The following NPM1 variants were observed in gnomAD, a reference collection of about 807,000 sequenced individuals.
The protein encoded by NPM1 is nucleophosmin 1, also known as nucleophosmin.
In NPM1, 1 loss-of-function variant was observed where a neutral mutation model predicts 44.1. The ratio of observed to expected loss-of-function variants is 0.02; its 90% CI spans 0.01 to 0.11. NPM1 has a LOEUF of 0.11. Ranked by LOEUF, NPM1 falls within the 10% of genes least tolerant of loss-of-function variation. The pLI, the probability that NPM1 is intolerant of heterozygous loss-of-function variation, is 1.00. For synonymous variants in NPM1, 126 were observed against 111.8 expected (o/e 1.13, Z -0.80); for missense variants, 197 against 347.8 (o/e 0.57, Z 3.45).
intron 8 of NPM1, among the ~76,000 whole-genome samples, chr5:171,403,626 G>C (rs1330317830): frequency 8.6e-6 from 1 of 116,534 alleles, no homozygotes; most frequent in African/African-American, 3.1e-5. Context: ...GCGGCTGGCC[G>C]GGCAGGGGGG....
rs761817600 is a variant in NPM1, at chr5:171,400,902, CCAT to C, written c.652_654del (p.Ser218del). ...AAATCAGAATGGAAAAGACTCAAAA[CCAT>C]CATCAACACCAAGATCAAAAGTAAG... On this transcript the variant is annotated inframe_deletion, in exon 8 of 11. Transcript: ENST00000296930. 14 of 1,610,962 alleles carry C rather than the reference CCAT, an allele frequency of 8.7e-6. No homozygotes were observed. The highest frequency in any genetic ancestry group is 4.4e-5 in the South Asian group (4 of 90,920).
chr5:171,403,018 A>AT (rs1281488908), intron 8 of NPM1, among the ~76,000 whole-genome samples: 1 of 49,944 alleles, frequency 2.0e-5, no homozygotes, highest in East Asian at 4.5e-4. Flanking sequence ...TTTTTAATTT[A>AT]TTTTTTTATT....
At chr5:171,408,794 G>A (rs1771688940) in intron 10 of NPM1, among the ~76,000 whole-genome samples, 1 of 152,116 alleles carries the variant, frequency 6.6e-6, no homozygotes, top group Admixed American at 6.5e-5. Context: ...GAAAATAGTG[G>A]AAAGTCAGAC....
chr5:171,405,489 TTTTG>T lies in NPM1; in HGVS notation c.771+94_771+97del, dbSNP rs1485479610. 6.9e-5 allele frequency: 48 copies of T among 698,822 alleles called. No homozygotes were observed. The Middle Eastern group carries it at 1.6e-3, about 24-fold the overall frequency. 43.3% of individuals were successfully genotyped at this position (698,822 alleles called of 1,614,324 possible). A position where few individuals can be genotyped will look rare whatever the true frequency, so the allele number is the denominator to read the frequency against. On this transcript the variant is annotated intron_variant, in intron 9 of 10. Transcript: ENST00000296930. The stretch of plus-strand genomic sequence containing the variant: ...GCATAGACTTGAATGTTTCTTGTTT[TTTTG>T]TTTGTTTTGGTTTAATATACTTGCC...
intron 6 of NPM1, 72 bp downstream of exon 6, chr5:171,393,050 G>C (rs1424024653): frequency 1.2e-5 from 19 of 1,523,312 alleles, no homozygotes; most frequent in Non-Finnish European, 1.5e-5. Flanking sequence ...ATAGTTATAT[G>C]CATGAGGGTT....
Position 171,410,889 on chromosome 5 carries a change from G to A in NPM1, c.*324G>A, listed in dbSNP as rs1000325987. On this transcript the variant is annotated 3_prime_UTR_variant, in exon 11 of 11. Transcript: ENST00000296930. The stretch of plus-strand genomic sequence containing the variant: ...ACTCAGTATTTTAATAAAGTAGCAC[G>A]GTTTCTATTGACTTATTTAACTGCT... The A allele has an allele frequency of 3.5e-5, 9 of 254,622 alleles. No homozygotes were observed. Among genetic ancestry groups the A allele is most frequent in the Admixed American group, 1.1e-4 (2 of 18,354 alleles). 15.8% of individuals were successfully genotyped at this position (254,622 alleles called of 1,614,324 possible).
intron 1 of NPM1, among the ~76,000 whole-genome samples, chr5:171,389,706 T>TA (rs1206694837): frequency 6.6e-6 from 1 of 152,216 alleles, no homozygotes; most frequent in Non-Finnish European, 1.5e-5. Context: ...TCAGCTGTTT[T>TA]AAATAGTGGG....
At chr5:171,401,266 G>A (rs1247904511) in intron 8 of NPM1, among the ~76,000 whole-genome samples, 1 of 151,974 alleles carries the variant, frequency 6.6e-6, no homozygotes, top group African/African-American at 2.4e-5. Context: ...GTGGAGACAG[G>A]AGAATTGCTT....
Position 171,400,234 on chromosome 5 carries a change from G to T in NPM1, c.582+24G>T, listed in dbSNP as rs761310852. 22 of 1,612,562 alleles carry T rather than the reference G, an allele frequency of 1.4e-5. 2 individuals carry two copies. The South Asian group carries it at 1.7e-4, about 12-fold the overall frequency. On this transcript the variant is annotated intron_variant, in intron 7 of 10. Coordinates refer to ENST00000296930, the MANE Select transcript of NPM1 (RefSeq NM_002520.7). ...AAGTGAGTAGATACAATGCTACAAG[G>T]TTGTTAAACTAACAATAGAAATGGT... is the stretch of plus-strand genomic sequence containing the variant.
chr5:171,406,381 C>G, intron 9 of NPM1: 1 of 1,609,352 alleles, frequency 6.2e-7, no homozygotes, highest in Non-Finnish European at 8.5e-7. Context: ...GTCCTATCTC[C>G]TTGGTTTAAT....
In NPM1 at chr5:171,410,727, G is replaced by T; in HGVS notation, c.*162G>T. ...TTGCCAAGAATGTGTTGTCCAAAAT[G>T]CCTGTTTAGTTTTTAAAGATGGAAC... On this transcript the variant is annotated 3_prime_UTR_variant, in exon 11 of 11. Coordinates refer to ENST00000296930, the MANE Select transcript of NPM1 (RefSeq NM_002520.7). 1 of 503,894 alleles carries T rather than the reference G, an allele frequency of 2.0e-6. No homozygotes were observed. The highest frequency in any genetic ancestry group is 3.5e-6 in the Non-Finnish European group (1 of 288,306). 31.2% of individuals were successfully genotyped at this position (503,894 alleles called of 1,614,324 possible).
intron 6 of NPM1, among the ~76,000 whole-genome samples, chr5:171,396,296 ATAG>A (rs1770880290): frequency 6.6e-6 from 1 of 152,146 alleles, no homozygotes; most frequent in African/African-American, 2.4e-5. Flanking sequence ...AGCTGTTTTG[ATAG>A]TAGTTTTGAT....
At chr5:171,389,384 G>C (rs1770451716) in intron 1 of NPM1, among the ~76,000 whole-genome samples, 1 of 152,244 alleles carries the variant, frequency 6.6e-6, no homozygotes, top group Non-Finnish European at 1.5e-5. Flanking sequence ...CATTCATGGA[G>C]TGAGAGTAGA....
intron 6 of NPM1, among the ~76,000 whole-genome samples, chr5:171,397,190 A>T (rs1037306195): frequency 1.3e-5 from 2 of 152,154 alleles, no homozygotes; most frequent in African/African-American, 4.8e-5. Context: ...TTCTTAGCAC[A>T]GTGTTTTCAA....
chr5:171,403,648 C>CG (rs1452545045), intron 8 of NPM1, among the ~76,000 whole-genome samples: 1 of 135,918 alleles, frequency 7.4e-6, no homozygotes. Context: ...TGACCCCCCC[C>CG]ACCTCCCTCC....
At chr5:171,403,050 A>G (rs1771312998) in intron 8 of NPM1, among the ~76,000 whole-genome samples, 2 of 102,896 alleles carry the variant, frequency 1.9e-5, no homozygotes, top group African/African-American at 3.9e-5. Flanking sequence ...GGTGTTTCTC[A>G]CAGAGGGGGA....
chr5:171,394,868 A>G (rs1770798405), intron 6 of NPM1, among the ~76,000 whole-genome samples: 3 of 152,086 alleles, frequency 2.0e-5, no homozygotes, highest in African/African-American at 7.2e-5. Context: ...GCTTTGGAAG[A>G]TTTCCTTTTT....
In NPM1 at chr5:171,405,310, A is replaced by G. The variant is rs766707224; in HGVS notation, c.678A>G (p.Glu226=). The part of the protein sequence containing the change: ...PSSTPRSKGQ[E]SFKKQEKTPK... ...ATTCATTTCTTTTTCAGGGACAAGA[A>G]TCCTTCAAGAAACAGGAAAAAACTC... The change falls in exon 9 of 11, where the codon GAA becomes GAG. Residue 226 remains glutamate, a synonymous_variant. Transcript: ENST00000296930. The G allele has an allele frequency of 2.6e-6, 4 of 1,549,392 alleles. No homozygotes were observed. The highest frequency in any genetic ancestry group is 3.5e-6 in the Non-Finnish European group (4 of 1,129,326).
intron 6 of NPM1, among the ~76,000 whole-genome samples, chr5:171,399,075 C>G (rs1309183702): frequency 6.6e-6 from 1 of 152,096 alleles, no homozygotes; most frequent in Non-Finnish European, 1.5e-5. Flanking sequence ...TCTCAAACTC[C>G]TGACCTCAGG....
Sources: allele counts gnomAD v4.1 joint callset (sites outside exome capture counted in the v4.1 genomes callset), GRCh38; gene constraint gnomAD v4.1.1; transcripts MANE v1.5; gene names NCBI Gene and HGNC (gene_info 2026-07-23, HGNC 2026-07-21).